CDH1: variants seen among roughly 807,000 people sequenced by gnomAD.
CDH1 encodes the protein cadherin 1.
CDH1 carries 35 observed loss-of-function variants against 84.5 expected under a neutral mutation model. The observed-to-expected ratio is 0.41, with a 90% CI of 0.32 to 0.55. CDH1 has a LOEUF of 0.55. Ranked by LOEUF, CDH1 falls within the 20% of genes least tolerant of loss-of-function variation. The pLI is 0.19. For synonymous variants in CDH1, 417 were observed against 439.0 expected (o/e 0.95, Z 0.63); for missense variants, 994 against 1,126.6 (o/e 0.88, Z 1.68).
intron 3 of CDH1, among the ~76,000 whole-genome samples, chr16:68,804,938 C>T (rs1960617212): frequency 6.8e-6 from 1 of 146,578 alleles, no homozygotes; most frequent in Non-Finnish European, 1.5e-5. Flanking sequence ...TCAAGCAATC[C>T]TCCTGCCTCA....
chr16:68,817,613 A>G (rs1009538861), intron 10 of CDH1, among the ~76,000 whole-genome samples: 1 of 152,162 alleles, frequency 6.6e-6, no homozygotes, highest in African/African-American at 2.4e-5. Context: ...TGTGCCTCCC[A>G]GTGTCCTGCA....
intron 3 of CDH1, among the ~76,000 whole-genome samples, chr16:68,807,548 G>A (rs1041687549): frequency 1.3e-5 from 2 of 152,052 alleles, no homozygotes; most frequent in Admixed American, 1.3e-4. Context: ...ACATGGTGGT[G>A]CATGGTGGTG....
chr16:68,788,579 T>C (rs1312665135), intron 2 of CDH1, among the ~76,000 whole-genome samples: 1 of 152,248 alleles, frequency 6.6e-6, no homozygotes, highest in Non-Finnish European at 1.5e-5. Context: ...CTACTGCGTT[T>C]TGTGATGTTT....
At chr16:68,759,487 CTTT>C (rs141278700) in intron 2 of CDH1, among the ~76,000 whole-genome samples, 13 of 136,086 alleles carry the variant, frequency 9.6e-5, no homozygotes, top group Admixed American at 7.4e-5. Flanking sequence ...TCTTTTCTTT[CTTT>C]TTTTTTTTTT....
intron 6 of CDH1, among the ~76,000 whole-genome samples, chr16:68,811,173 A>G (rs1300790920): frequency 6.6e-6 from 1 of 151,916 alleles, no homozygotes; most frequent in Non-Finnish European, 1.5e-5. Flanking sequence ...CAAGGTGGGC[A>G]AATCACTTGA....
At chr16:68,800,801 A>G (rs1202789219) in intron 2 of CDH1, among the ~76,000 whole-genome samples, 1 of 152,164 alleles carries the variant, frequency 6.6e-6, no homozygotes, top group Admixed American at 6.5e-5. Context: ...ATCTTCAGCA[A>G]ACTCCCTTCT....
At chr16:68,810,726 C>T (rs764342173) in intron 6 of CDH1, among the ~76,000 whole-genome samples, 25 of 151,640 alleles carry the variant, frequency 1.6e-4, no homozygotes, top group South Asian at 2.1e-4. Flanking sequence ...ATTAGCCGGT[C>T]GTGGTGGCGG....
intron 2 of CDH1, among the ~76,000 whole-genome samples, chr16:68,768,996 C>G: frequency 6.6e-6 from 1 of 152,204 alleles, no homozygotes; most frequent in Non-Finnish European, 1.5e-5. Context: ...TCAGCAGAGT[C>G]TGTCTTGGAT....
chr16:68,770,438 C>T (rs1487400314), intron 2 of CDH1, among the ~76,000 whole-genome samples: 1 of 152,160 alleles, frequency 6.6e-6, no homozygotes, highest in East Asian at 1.9e-4. Flanking sequence ...CTGAATGACT[C>T]TGCCTCTGCC....
rs587782024 is a variant in CDH1, at chr16:68,833,300, C to T, written c.2450C>T (p.Ala817Val). The T allele has an allele frequency of 1.8e-5, 29 of 1,613,846 alleles. No homozygotes were observed. The highest frequency in any genetic ancestry group is 2.2e-5 in the South Asian group (2 of 91,082). ...IGNFIDENLKAADTDPTAPPY... is the reference protein window; with the variant it reads ...IGNFIDENLKVADTDPTAPPY... ...TCCCTTCTTCTTTAGAATCTGAAAG[C>T]GGCTGATACTGACCCCACAGCCCCG... The change falls in exon 16 of 16, where the codon GCG (alanine) becomes GTG (valine). Residue 817 changes from alanine to valine, a missense_variant. Transcript: ENST00000261769.
At chr16:68,824,089 A>T (rs1961255795) in intron 13 of CDH1, among the ~76,000 whole-genome samples, 2 of 148,346 alleles carry the variant, frequency 1.3e-5, no homozygotes, top group African/African-American at 2.5e-5. Flanking sequence ...CCTCTGCTTA[A>T]CAGGTTCAAG....
At chr16:68,790,362 T>C (rs1431330361) in intron 2 of CDH1, among the ~76,000 whole-genome samples, 2 of 152,166 alleles carry the variant, frequency 1.3e-5, no homozygotes, top group Non-Finnish European at 2.9e-5. Flanking sequence ...GAAAATGTGA[T>C]GATTTTCTTT....
chr16:68,788,354 C>T (rs996074250), intron 2 of CDH1, among the ~76,000 whole-genome samples: 12 of 152,150 alleles, frequency 7.9e-5, no homozygotes, highest in African/African-American at 2.9e-4. Flanking sequence ...TTTTTATAAA[C>T]GTACACAGCT....
intron 2 of CDH1, among the ~76,000 whole-genome samples, chr16:68,798,718 AT>A (rs1430435113): frequency 6.6e-6 from 1 of 152,194 alleles, no homozygotes; most frequent in East Asian, 1.9e-4. Flanking sequence ...TGCAGCCTTC[AT>A]TCCCTGTTTA....
rs71253605 is a variant in CDH1 at position 68,745,550 on chromosome 16, A to AATATATATATATATATATG, written c.163+7139_163+7140insATATATATATATATATATG. ...TCCTGTCTCAAAAAAAAAAAAAAAA[A>AATATATATATATATATATG]TATATATATATATGTATATATATAT... On this transcript the variant is annotated intron_variant, in intron 2 of 15. Transcript: ENST00000261769. Among the ~76,000 whole-genome samples the AATATATATATATATATATG allele has an allele frequency of 2.2e-4, 11 of 50,498 alleles. No individual in the cohort carries two copies. The East Asian group carries it at 2.7e-3, about 12-fold the overall frequency. The allele number at this position is 50,498 out of a possible 152,430, so 33.1% of individuals were successfully genotyped here.
intron 11 of CDH1, among the ~76,000 whole-genome samples, chr16:68,821,169 A>T (rs1053614877): frequency 2.6e-5 from 4 of 152,056 alleles, no homozygotes; most frequent in African/African-American, 9.7e-5. Flanking sequence ...ATATAAAAGA[A>T]ATGCAAACAG....
At chr16:68,829,884 A>T (rs769337460) in intron 15 of CDH1, 87 bp downstream of exon 15, 1 of 1,366,794 alleles carries the variant, frequency 7.3e-7, no homozygotes. Flanking sequence ...GAGTCTTTAG[A>T]TTCTTTCCTT....
rs889358029 is a variant in CDH1 at position 68,823,992 on chromosome 16, C to CTTTTTTT, written c.2164+382_2164+388dup. Reference sequence around the variant, plus strand: ...GCATAGGGCCACAGATTCTGCATTTCTTTTTTTTTTTTTTTTTTTTTTGAG... The same window carrying CTTTTTTT: ...GCATAGGGCCACAGATTCTGCATTTCTTTTTTTTTTTTTTTTTTTTTTTTTTTTTGAG... On this transcript the variant is annotated intron_variant, in intron 13 of 15. Coordinates refer to ENST00000261769, the MANE Select transcript of CDH1 (RefSeq NM_004360.5). 6.6e-3 allele frequency among the ~76,000 whole-genome samples: 657 copies of CTTTTTTT among 99,878 alleles called. 58 individuals are homozygous for CTTTTTTT. Among genetic ancestry groups the CTTTTTTT allele is most frequent in the African/African-American group, 0.021 (499 of 23,900 alleles). 65.5% of individuals were successfully genotyped at this position (99,878 alleles called of 152,430 possible). A position where few individuals can be genotyped will look rare whatever the true frequency, so the allele number is the denominator to read the frequency against.
At chr16:68,785,384 G>C (rs957323427) in intron 2 of CDH1, among the ~76,000 whole-genome samples, 2 of 152,108 alleles carry the variant, frequency 1.3e-5, no homozygotes, top group Non-Finnish European at 2.9e-5. Context: ...TAGAGACACG[G>C]TTTTACCATG....
Sources: gnomAD v4.1 joint callset for allele counts (sites outside exome capture counted in the v4.1 genomes callset) on GRCh38, gnomAD v4.1.1 for gene constraint, MANE v1.5 for transcripts, NCBI Gene and HGNC (gene_info 2026-07-23, HGNC 2026-07-21) for gene names.